The following SAE1 variants were observed in gnomAD, a reference collection of about 807,000 sequenced individuals.
SAE1 encodes SUMO-activating enzyme subunit 1.
A neutral mutation model predicts 40.6 loss-of-function variants in SAE1; 11 were observed. The observed-to-expected ratio is 0.27, with a 90% CI of 0.17 to 0.45. The LOEUF is 0.45. SAE1 is among the 20% of genes least tolerant of loss of function. The pLI is 1.00. For missense variants in SAE1, 373 were observed against 427.3 expected, an observed-to-expected ratio of 0.87 and a Z score of 1.12; for synonymous variants, 155 against 154.3, an observed-to-expected ratio of 1.00 and a Z score of -0.03.
intron 6 of SAE1, among the ~76,000 whole-genome samples, chr19:47,180,587 T>A (rs2058499727): frequency 6.6e-6 from 1 of 152,102 alleles, no homozygotes; most frequent in East Asian, 1.9e-4. Flanking sequence ...CCCAAGAGGC[T>A]GAGGCAAATT....
chr19:47,153,212 G>A (rs935982942), intron 4 of SAE1, among the ~76,000 whole-genome samples, 172 bp downstream of exon 4: 1 of 151,996 alleles, frequency 6.6e-6, no homozygotes, highest in African/African-American at 2.4e-5. Context: ...CAAAGTGCTG[G>A]GATTATAGGC....
At chr19:47,144,841 G>A (rs2123195956) in intron 2 of SAE1, among the ~76,000 whole-genome samples, 1 of 152,290 alleles carries the variant, frequency 6.6e-6, no homozygotes, top group South Asian at 2.1e-4. Context: ...GTTTGTTTGT[G>A]TGTTTTTGCG....
chr19:47,179,222 C>T (rs1444005371), intron 6 of SAE1, among the ~76,000 whole-genome samples: 1 of 150,086 alleles, frequency 6.7e-6, no homozygotes, highest in Non-Finnish European at 1.5e-5. Flanking sequence ...AGAAAAATCT[C>T]TAGCCGGTCG....
At chr19:47,190,055 T>G (rs909519729) in intron 6 of SAE1, among the ~76,000 whole-genome samples, 5 of 152,224 alleles carry the variant, frequency 3.3e-5, no homozygotes, top group African/African-American at 1.2e-4. Flanking sequence ...TTCCAAAGTT[T>G]GCCTTTTCCA....
At chr19:47,194,587 T>C (rs892311928) in intron 6 of SAE1, among the ~76,000 whole-genome samples, 7 of 152,214 alleles carry the variant, frequency 4.6e-5, no homozygotes, top group Non-Finnish European at 8.8e-5. Context: ...GCCTGTGTGA[T>C]GTGGGAGAAA....
chr19:47,135,923 C>G (rs1476461485), intron 1 of SAE1, among the ~76,000 whole-genome samples: 1 of 152,098 alleles, frequency 6.6e-6, no homozygotes, highest in Non-Finnish European at 1.5e-5. Flanking sequence ...CCTGCCTCAG[C>G]CTCCCTAGTA....
At chr19:47,199,075 A>G (rs1013015894) in intron 7 of SAE1, among the ~76,000 whole-genome samples, 1 of 148,044 alleles carries the variant, frequency 6.8e-6, no homozygotes. Flanking sequence ...GGTGACAGAG[A>G]GAGACCGTGT....
chr19:47,159,062 C>G (rs1459116285), intron 5 of SAE1, among the ~76,000 whole-genome samples: 2 of 152,122 alleles, frequency 1.3e-5, no homozygotes, highest in Admixed American at 6.6e-5. Context: ...AGATGCCTGA[C>G]AGTGGTTACT....
intron 6 of SAE1, among the ~76,000 whole-genome samples, chr19:47,191,538 C>T (rs2058577762): frequency 6.6e-6 from 1 of 152,134 alleles, no homozygotes. Context: ...TTATAGGGCA[C>T]AGTCTGAGGC....
At chr19:47,196,139 G>T (rs2058613188) in intron 6 of SAE1, among the ~76,000 whole-genome samples, 1 of 150,166 alleles carries the variant, frequency 6.7e-6, no homozygotes, top group Non-Finnish European at 1.5e-5. Context: ...TCTGCCTCCT[G>T]GGTTCAAGCG....
intron 7 of SAE1, among the ~76,000 whole-genome samples, chr19:47,201,655 A>G (rs1467505572): frequency 1.4e-5 from 2 of 142,114 alleles, no homozygotes; most frequent in African/African-American, 5.3e-5. Context: ...AATTATTATT[A>G]TTGGGAGTCT....
At chr19:47,177,624 T>TGAGA (rs2058478190) in intron 6 of SAE1, among the ~76,000 whole-genome samples, 4 of 152,162 alleles carry the variant, frequency 2.6e-5, no homozygotes, top group Admixed American at 6.6e-5. Flanking sequence ...CTCACCTCAG[T>TGAGA]TTCCCAAAGA....
chr19:47,201,161 G>C (rs1265776175), intron 7 of SAE1, among the ~76,000 whole-genome samples: 1 of 151,540 alleles, frequency 6.6e-6, no homozygotes, highest in African/African-American at 2.4e-5. Context: ...TGATTCTTCT[G>C]TCTCAACCTC....
At chr19:47,207,685 G>A (rs1478828431) in intron 8 of SAE1, among the ~76,000 whole-genome samples, 1 of 152,044 alleles carries the variant, frequency 6.6e-6, no homozygotes, top group Non-Finnish European at 1.5e-5. Flanking sequence ...CCAGGCTGGA[G>A]TACAGTGGTG....
At chr19:47,133,428 T>C (rs1336398638) in intron 1 of SAE1, among the ~76,000 whole-genome samples, 1 of 152,188 alleles carries the variant, frequency 6.6e-6, no homozygotes, top group Admixed American at 6.5e-5. Flanking sequence ...GGTTTCACCA[T>C]GTTAGACAGG....
chr19:47,137,713 G>C (rs1301044703), intron 1 of SAE1, among the ~76,000 whole-genome samples: 1 of 146,510 alleles, frequency 6.8e-6, no homozygotes, highest in Non-Finnish European at 1.5e-5. Context: ...TTGTGTGTGT[G>C]TGTGTGTGTG....
At chr19:47,157,828 G>C (rs1017709838) in intron 5 of SAE1, among the ~76,000 whole-genome samples, 2 of 152,158 alleles carry the variant, frequency 1.3e-5, no homozygotes, top group Admixed American at 6.6e-5. Context: ...GAGGCATTCA[G>C]TGCATTCCTG....
In SAE1 at chr19:47,197,500, G is replaced by A. The variant is rs1024391792; in HGVS notation, c.878+123G>A. ...GAGAGCACCCTGCCACATTCTGCTC[G>A]CTCCTGTAGACTTCTGCCTCTCCAC... On this transcript the variant is annotated intron_variant, in intron 7 of 8. Coordinates refer to ENST00000270225, the MANE Select transcript of SAE1 (RefSeq NM_005500.3). 8.9e-5 allele frequency: 63 copies of A among 709,894 alleles called. 1 individual carries two copies. The highest frequency in any genetic ancestry group is 7.8e-4 in the African/African-American group (43 of 54,968). The allele number at this position is 709,894 out of a possible 1,614,324, so 44.0% of individuals were successfully genotyped here.
At chr19:47,131,697 CTTTTT>C (rs554165710) in intron 1 of SAE1, among the ~76,000 whole-genome samples, 2 of 84,138 alleles carry the variant, frequency 2.4e-5, no homozygotes, top group African/African-American at 4.7e-5. Flanking sequence ...TTAGGGAATT[CTTTTT>C]TTTTTTTTTT....
Sources: gnomAD v4.1 joint callset for allele counts (sites outside exome capture counted in the v4.1 genomes callset) on GRCh38, gnomAD v4.1.1 for gene constraint, MANE v1.5 for transcripts, NCBI Gene and HGNC (gene_info 2026-07-23, HGNC 2026-07-21) for gene names.